PDE11A: variants seen among roughly 807,000 people sequenced by gnomAD.
PDE11A encodes phosphodiesterase 11A.
In PDE11A, 100 loss-of-function variants were observed where a neutral mutation model predicts 100.5. The ratio of observed to expected loss-of-function variants is 1.00; its 90% CI spans 0.85 to 1.18. The LOEUF is 1.18. Ranked by LOEUF, PDE11A falls within the 50% of genes most tolerant of loss-of-function variation. The probability of loss-of-function intolerance (pLI) is 0.00; values close to 1 mark genes in which losing one functional copy is unlikely to be tolerated. For synonymous variants in PDE11A, 381 were observed against 420.8 expected, an observed-to-expected ratio of 0.91 and a Z score of 1.16; for missense variants, 1,141 against 1,152.6, an observed-to-expected ratio of 0.99 and a Z score of 0.15.
At chr2:177,933,920 C>T (rs112514012) in intron 2 of PDE11A, among the ~76,000 whole-genome samples, 36 of 152,162 alleles carry the variant, frequency 2.4e-4, no homozygotes, top group African/African-American at 6.5e-4. Flanking sequence ...GGATAGCTGG[C>T]GAGCCATGTG....
intron 16 of PDE11A, chr2:177,676,209 A>G (rs917442273): frequency 6.4e-6 from 1 of 157,264 alleles, no homozygotes; most frequent in African/African-American, 2.4e-5. Flanking sequence ...ATACGGAACC[A>G]TGGAAACACT....
intron 19 of PDE11A, among the ~76,000 whole-genome samples, chr2:177,637,508 T>G (rs2080058677): frequency 6.6e-6 from 1 of 151,964 alleles, no homozygotes; most frequent in African/African-American, 2.4e-5. Flanking sequence ...CTGTTCTGGA[T>G]TGTGTTTTTG....
chr2:177,671,330 A>G (rs1438479173), intron 17 of PDE11A, among the ~76,000 whole-genome samples: 3 of 152,208 alleles, frequency 2.0e-5, no homozygotes, highest in Non-Finnish European at 4.4e-5. Context: ...AATCAGGAAC[A>G]TTAAGTGGTT....
chr2:177,903,569 T>C (rs1159273731), intron 3 of PDE11A, among the ~76,000 whole-genome samples: 1 of 152,200 alleles, frequency 6.6e-6, no homozygotes, highest in African/African-American at 2.4e-5. Flanking sequence ...AGATTAATCA[T>C]ATATGAAGCT....
intron 19 of PDE11A, among the ~76,000 whole-genome samples, chr2:177,660,290 T>C (rs997345478): frequency 4.6e-5 from 7 of 151,930 alleles, no homozygotes; most frequent in Non-Finnish European, 8.8e-5. Context: ...CCTTATTAGA[T>C]AGCTATTCAT....
At chr2:178,072,818 C>T (rs920898285), upstream of PDE11A, 5 of 1,202,622 alleles carry the variant, frequency 4.2e-6, no homozygotes, top group African/African-American at 6.3e-5. Context: ...GGGCAGGACA[C>T]GCCCCTGAGT....
intron 19 of PDE11A, among the ~76,000 whole-genome samples, chr2:177,659,176 G>A (rs536594920): frequency 6.7e-5 from 10 of 150,148 alleles, no homozygotes; most frequent in Non-Finnish European, 1.2e-4. Flanking sequence ...CAGGAGAATC[G>A]CTTGAACCTG....
At chr2:178,101,937 T>C (rs962895997) in intron 2 of PDE11A, among the ~76,000 whole-genome samples, 1 of 152,202 alleles carries the variant, frequency 6.6e-6, no homozygotes, top group African/African-American at 2.4e-5. Context: ...TTATCAATTA[T>C]GTATTTATAA....
intron 10 of PDE11A, among the ~76,000 whole-genome samples, chr2:177,747,801 A>T (rs1261301251): frequency 6.6e-6 from 1 of 152,166 alleles, no homozygotes; most frequent in African/African-American, 2.4e-5. Context: ...CTCACTAGGA[A>T]CAAACAAGAG....
intron 10 of PDE11A, among the ~76,000 whole-genome samples, chr2:177,748,203 A>G (rs2081979734): frequency 6.6e-6 from 1 of 152,228 alleles, no homozygotes; most frequent in African/African-American, 2.4e-5. Context: ...GATATGATAA[A>G]TAATTTATTT....
At chr2:177,643,140 G>A (rs1269136006) in intron 19 of PDE11A, among the ~76,000 whole-genome samples, 1 of 152,190 alleles carries the variant, frequency 6.6e-6, no homozygotes, top group African/African-American at 2.4e-5. Context: ...TACCAGTAGA[G>A]TGGGGCATTG....
At chr2:177,741,475 T>C (rs570539413) in intron 10 of PDE11A, among the ~76,000 whole-genome samples, 1 of 152,272 alleles carries the variant, frequency 6.6e-6, no homozygotes, top group East Asian at 1.9e-4. Context: ...AACAATTTGG[T>C]CCATAACAGA....
intron 17 of PDE11A, among the ~76,000 whole-genome samples, chr2:177,673,169 C>A (rs1476898531): frequency 6.6e-6 from 1 of 152,158 alleles, no homozygotes; most frequent in Non-Finnish European, 1.5e-5. Context: ...GGACTTGAAT[C>A]AAAAACATAA....
intron 9 of PDE11A, among the ~76,000 whole-genome samples, chr2:177,815,954 T>C (rs1265404481): frequency 1.3e-5 from 2 of 152,252 alleles, no homozygotes; most frequent in African/African-American, 2.4e-5. Context: ...CTCATGCCTG[T>C]AATCCCAGCA....
chr2:178,000,394 T>A (rs1477306103), intron 2 of PDE11A, among the ~76,000 whole-genome samples: 1 of 152,204 alleles, frequency 6.6e-6, no homozygotes, highest in East Asian at 1.9e-4. Flanking sequence ...CATAGGAAAA[T>A]GCTCTAAGTA....
At chr2:177,981,718 T>G (rs1266182557) in intron 2 of PDE11A, among the ~76,000 whole-genome samples, 1 of 150,966 alleles carries the variant, frequency 6.6e-6, no homozygotes, top group Non-Finnish European at 1.5e-5. Context: ...CAACTCACCC[T>G]ATAACAATTA....
chr2:177,902,895 T>G lies in PDE11A; in HGVS notation c.1161+2203A>C, dbSNP rs2105733125. Among the ~76,000 whole-genome samples, 2 of 152,316 alleles carry G rather than the reference T, an allele frequency of 1.3e-5. 1 individual carries two copies. Among genetic ancestry groups the G allele is most frequent in the South Asian group, 4.1e-4 (2 of 4,826 alleles). Reference sequence around the variant, plus strand: ...TATTTTTTGACTTCAATACAGTTCTTTCCTAAGTCCTCTCACTGCTCCAGC... The same window carrying G: ...TATTTTTTGACTTCAATACAGTTCTGTCCTAAGTCCTCTCACTGCTCCAGC... On this transcript the variant is annotated intron_variant, in intron 3 of 19. Coordinates refer to ENST00000286063, the MANE Select transcript of PDE11A (RefSeq NM_016953.4).
intron 1 of PDE11A, among the ~76,000 whole-genome samples, chr2:178,107,631 T>C (rs2087635932): frequency 6.6e-6 from 1 of 151,892 alleles, no homozygotes; most frequent in South Asian, 2.1e-4. Context: ...AGAAATTAAG[T>C]GACTTGTTTA....
At chr2:177,688,250 G>T (rs1403298586) in intron 15 of PDE11A, 1 of 152,270 alleles carries the variant, frequency 6.6e-6, no homozygotes, top group Admixed American at 6.5e-5. Context: ...GTGCTCCAAA[G>T]AAGAGCTGCA....
Sources: gnomAD v4.1 joint callset for allele counts (sites outside exome capture counted in the v4.1 genomes callset) on GRCh38, gnomAD v4.1.1 for gene constraint, MANE v1.5 for transcripts, NCBI Gene and HGNC (gene_info 2026-07-23, HGNC 2026-07-21) for gene names.